The following SLC39A11 variants were observed in gnomAD, a reference collection of about 807,000 sequenced individuals.
The protein encoded by SLC39A11 is solute carrier family 39 member 11.
Under a neutral mutation model 36.1 loss-of-function variants are expected in SLC39A11, and 33 were observed. The ratio of observed to expected loss-of-function variants is 0.91; its 90% confidence interval spans 0.69 to 1.22. The LOEUF (loss-of-function observed/expected upper bound fraction) is 1.22. Ranked by LOEUF, SLC39A11 falls within the 50% of genes most tolerant of loss-of-function variation. SLC39A11 has a pLI of 0.00. For synonymous variants in SLC39A11, 166 were observed against 170.3 expected (o/e 0.97, Z 0.20); for missense variants, 432 against 430.3 (o/e 1.00, Z -0.03).
intron 7 of SLC39A11, among the ~76,000 whole-genome samples, chr17:72,668,811 G>A (rs2144133545): frequency 6.6e-6 from 1 of 152,320 alleles, no homozygotes; most frequent in East Asian, 1.9e-4. Flanking sequence ...GGAGTTTATA[G>A]CAATGGTCTT....
intron 5 of SLC39A11, among the ~76,000 whole-genome samples, chr17:72,917,752 G>C (rs1451099483): frequency 1.3e-5 from 2 of 152,194 alleles, no homozygotes; most frequent in Non-Finnish European, 2.9e-5. Context: ...TATCTAACAT[G>C]CTAAGTGTCC....
At chr17:72,675,512 C>T (rs1428125047) in intron 7 of SLC39A11, among the ~76,000 whole-genome samples, 1 of 152,186 alleles carries the variant, frequency 6.6e-6, no homozygotes, top group Non-Finnish European at 1.5e-5. Context: ...CATAATCTCC[C>T]AACCTCCCCT....
chr17:72,909,750 CTTT>C (rs56091262), intron 5 of SLC39A11, among the ~76,000 whole-genome samples: 8,079 of 144,650 alleles, frequency 0.056, 293 homozygotes, highest in South Asian at 0.09. Flanking sequence ...TTTCTTTTTT[CTTT>C]TTTTTTTTTT....
At chr17:72,650,748 A>G (rs2069811789) in intron 7 of SLC39A11, among the ~76,000 whole-genome samples, 1 of 152,192 alleles carries the variant, frequency 6.6e-6, no homozygotes, top group African/African-American at 2.4e-5. Flanking sequence ...CAACTGGCTC[A>G]CGTCCATCCA....
In SLC39A11 at chr17:73,088,640, A is replaced by G; in HGVS notation, c.108+17T>C. ...GGGCTCCCCACCAACATCCAGAACC[A>G]AAGCAAGGCAACTCACCTGTCCACT... is the stretch of plus-strand genomic sequence containing the variant. On this transcript the variant is annotated intron_variant, in intron 2 of 9. Transcript: ENST00000255559. 1 of 1,603,434 alleles carries G rather than the reference A, an allele frequency of 6.2e-7. No individual in the cohort carries two copies. Among genetic ancestry groups the G allele is most frequent in the Non-Finnish European group, 8.5e-7 (1 of 1,173,764 alleles).
intron 7 of SLC39A11, among the ~76,000 whole-genome samples, chr17:72,729,416 TATATATATATATATATATATATATA>T (rs2074072698): frequency 9.0e-4 from 2 of 2,220 alleles, no homozygotes; most frequent in African/African-American, 1.4e-3. Flanking sequence ...TATATATATA[TATATATATATATATATATATATATA>T]TATATATATA....
intron 3 of SLC39A11, among the ~76,000 whole-genome samples, chr17:73,042,581 G>A (rs11659012): frequency 0.58 from 88,037 of 152,028 alleles, 27,511 homozygotes; most frequent in East Asian, 0.74. Flanking sequence ...CAGGCAGATC[G>A]CCTGAGGTCA....
At chr17:72,710,691 C>T (rs1352604838) in intron 7 of SLC39A11, among the ~76,000 whole-genome samples, 1 of 152,182 alleles carries the variant, frequency 6.6e-6, no homozygotes, top group Admixed American at 6.5e-5. Flanking sequence ...AGACAATCTC[C>T]ACCTTATAAA....
intron 5 of SLC39A11, among the ~76,000 whole-genome samples, chr17:72,854,881 C>T (rs879570799): frequency 2.0e-5 from 3 of 152,140 alleles, no homozygotes; most frequent in Non-Finnish European, 4.4e-5. Context: ...CTGATGCATC[C>T]GCTTCCCTGA....
In SLC39A11 at chr17:72,947,750, A is replaced by G; in HGVS notation, c.430+2T>C. The G allele has an allele frequency of 6.2e-7, 1 of 1,613,942 alleles. No homozygotes were observed. On this transcript the variant is annotated splice_donor_variant, in intron 5 of 9. Transcript: ENST00000255559. LOFTEE classifies it high-confidence loss of function. ...GCTTGCCTGAAAGAAGCCCAGCTCT[A>G]CCTATCCGGATGGAAAGTTCACTCT...
chr17:73,011,220 G>C (rs1233137902), intron 4 of SLC39A11, among the ~76,000 whole-genome samples: 3 of 152,258 alleles, frequency 2.0e-5, no homozygotes, highest in Non-Finnish European at 1.5e-5. Context: ...GTAAGGAAGA[G>C]AGTCTGGCAA....
intron 6 of SLC39A11, among the ~76,000 whole-genome samples, chr17:72,803,045 A>G (rs1366059300): frequency 2.0e-5 from 3 of 152,218 alleles, no homozygotes; most frequent in Non-Finnish European, 4.4e-5. Flanking sequence ...CTATCAAACA[A>G]AAACGGAACG....
chr17:73,052,615 C>G (rs1292993833), intron 3 of SLC39A11, among the ~76,000 whole-genome samples: 4 of 152,120 alleles, frequency 2.6e-5, no homozygotes, highest in Non-Finnish European at 5.9e-5. Context: ...AACTGAGAAA[C>G]TGCAGAACAC....
At chr17:72,860,817 T>A (rs1258061782) in intron 5 of SLC39A11, among the ~76,000 whole-genome samples, 1 of 152,198 alleles carries the variant, frequency 6.6e-6, no homozygotes, top group African/African-American at 2.4e-5. Flanking sequence ...TTTCTGCCCA[T>A]ACATGTTCAT....
intron 7 of SLC39A11, among the ~76,000 whole-genome samples, chr17:72,725,832 C>T (rs1252069702): frequency 2.0e-5 from 3 of 152,188 alleles, no homozygotes; most frequent in Non-Finnish European, 2.9e-5. Context: ...AAGAGAAGAG[C>T]TTGCCTGCAT....
chr17:72,995,089 T>C (rs2089428847), intron 4 of SLC39A11, among the ~76,000 whole-genome samples: 1 of 152,178 alleles, frequency 6.6e-6, no homozygotes, highest in African/African-American at 2.4e-5. Context: ...CTTCCTGTCT[T>C]GACCTCATCT....
chr17:72,761,688 A>G (rs1015713615), intron 6 of SLC39A11, among the ~76,000 whole-genome samples: 2 of 152,200 alleles, frequency 1.3e-5, no homozygotes, highest in African/African-American at 2.4e-5. Context: ...GTCAAGCCCA[A>G]ACTTTTTCTT....
intron 6 of SLC39A11, among the ~76,000 whole-genome samples, chr17:72,751,240 T>A (rs2075144156): frequency 1.3e-5 from 2 of 152,130 alleles, no homozygotes; most frequent in African/African-American, 4.8e-5. Context: ...AGAGTGAGAC[T>A]CCATCTCAAA....
At chr17:73,015,148 G>A (rs2090740017) in intron 4 of SLC39A11, among the ~76,000 whole-genome samples, 1 of 152,108 alleles carries the variant, frequency 6.6e-6, no homozygotes, top group Non-Finnish European at 1.5e-5. Context: ...TGAAACCTCG[G>A]TATTGCCCTG....
Sources: allele counts gnomAD v4.1 joint callset (sites outside exome capture counted in the v4.1 genomes callset), GRCh38; gene constraint gnomAD v4.1.1; transcripts MANE v1.5; gene names NCBI Gene and HGNC (gene_info 2026-07-23, HGNC 2026-07-21).